The following SH2B2 variants were observed in gnomAD, a reference collection of about 807,000 sequenced individuals.
SH2B2 encodes the protein SH2B adaptor protein 2.
A neutral mutation model predicts 35.7 loss-of-function variants in SH2B2; 37 were observed. The observed-to-expected ratio is 1.04, with a 90% confidence interval of 0.80 to 1.36. The LOEUF (loss-of-function observed/expected upper bound fraction) is 1.36. SH2B2 is among the 40% of genes most tolerant of loss of function. SH2B2 has a pLI of 0.00. For missense variants in SH2B2, 852 were observed against 817.7 expected, an observed-to-expected ratio of 1.04 and a Z score of -0.51; for synonymous variants, 383 against 376.4, an observed-to-expected ratio of 1.02 and a Z score of -0.20.
At chr7:102,308,289 G>C (rs909822127) in intron 3 of SH2B2, among the ~76,000 whole-genome samples, 1 of 152,272 alleles carries the variant, frequency 6.6e-6, no homozygotes, top group African/African-American at 2.4e-5. Flanking sequence ...GCAGAATGCA[G>C]GGTTATGCTC....
At chr7:102,308,471 G>A (rs1028561462) in intron 3 of SH2B2, among the ~76,000 whole-genome samples, 3 of 152,228 alleles carry the variant, frequency 2.0e-5, no homozygotes, top group Admixed American at 2.0e-4. Context: ...CCCCTGGGGT[G>A]CCAGGGCATG....
Position 102,300,706 on chromosome 7 carries a change from C to G in SH2B2, c.156C>G (p.Tyr52Ter). ...FCRFLRDNPA[Y>*]DTPDAGASFS... Reference sequence around the variant, plus strand: ...GTTTCCTGCGGGACAACCCAGCTTACGACACGCCCGACGCCGGCGCCTCCT... The same window carrying G: ...GTTTCCTGCGGGACAACCCAGCTTAGGACACGCCCGACGCCGGCGCCTCCT... Residue 52 changes from tyrosine (Y) to a stop codon, truncating the protein, a stop_gained, in exon 2 of 9, where the codon TAC becomes TAG. Transcript: ENST00000444095. LOFTEE classifies it high-confidence loss of function. 1 of 1,538,718 alleles carries G rather than the reference C, an allele frequency of 6.5e-7. No homozygotes were observed. Among genetic ancestry groups the G allele is most frequent in the Non-Finnish European group, 8.8e-7 (1 of 1,139,378 alleles).
rs569831786 is a variant in SH2B2, at chr7:102,305,692, T to C, written c.730-1029T>C. The stretch of plus-strand genomic sequence containing the variant: ...TATTTTTACCTGCGTATGTGTGTAT[T>C]GGGCCCCAGTGTTAAATGTATTTCT... On this transcript the variant is annotated intron_variant, in intron 2 of 8. Coordinates refer to ENST00000444095, the MANE Select transcript of SH2B2 (RefSeq NM_001359228.2). 7.7e-4 allele frequency among the ~76,000 whole-genome samples: 118 copies of C among 152,274 alleles called. 2 individuals are homozygous for C. The highest frequency in any genetic ancestry group is 2.7e-3 in the African/African-American group (111 of 41,550).
At position 102,303,318 on chromosome 7, in the gene SH2B2, G is replaced by C. The variant is rs13240085; in HGVS notation, c.729+2039G>C. 1.9e-3 allele frequency among the ~76,000 whole-genome samples: 288 copies of C among 152,260 alleles called. 2 individuals carry two copies. The highest frequency in any genetic ancestry group is 6.8e-3 in the Middle Eastern group (2 of 294). ...AGGTCCTTGGGCACTGAGAGGTTTA[G>C]GCAGGGGGAGGTTTTGCTGGTGCAG... On this transcript the variant is annotated intron_variant, in intron 2 of 8. Coordinates refer to ENST00000444095, the MANE Select transcript of SH2B2 (RefSeq NM_001359228.2).
intron 1 of SH2B2, 26 bp from the exon 2 acceptor site, chr7:102,300,496 T>G: frequency 6.6e-7 from 1 of 1,505,306 alleles, no homozygotes. Context: ...GGCCTGAAAG[T>G]CACTGCGCGC....
At chr7:102,288,252 G>T (rs1311706508) in intron 1 of SH2B2, among the ~76,000 whole-genome samples, 5 of 151,984 alleles carry the variant, frequency 3.3e-5, no homozygotes, top group African/African-American at 1.2e-4. Context: ...CCCACTCCAC[G>T]CAGGAAGAGG....
intron 6 of SH2B2, 31 bp from the exon 7 acceptor site, chr7:102,317,156 C>G (rs1554557155): frequency 6.6e-7 from 1 of 1,525,464 alleles, no homozygotes; most frequent in African/African-American, 1.4e-5. Context: ...TCCTTCCCCC[C>G]ATGTTCCTCA....
intron 2 of SH2B2, among the ~76,000 whole-genome samples, chr7:102,301,557 T>C (rs1347047671): frequency 1.4e-5 from 2 of 144,352 alleles, no homozygotes; most frequent in Admixed American, 6.8e-5. Context: ...TGTGTGTGTG[T>C]CCGTGTGTGT....
chr7:102,299,722 G>C (rs546127672), intron 1 of SH2B2, among the ~76,000 whole-genome samples: 16 of 152,276 alleles, frequency 1.1e-4, no homozygotes, highest in Non-Finnish European at 1.5e-4. Flanking sequence ...CCTTTCTACC[G>C]GGCTTTGGGG....
intron 1 of SH2B2, among the ~76,000 whole-genome samples, chr7:102,292,458 G>A (rs1200885603): frequency 6.6e-6 from 1 of 151,354 alleles, no homozygotes; most frequent in Non-Finnish European, 1.5e-5. Context: ...TTGAACCCAG[G>A]AGGCGGAAGT....
chr7:102,308,937 G>A (rs1178661255), intron 4 of SH2B2, 31 bp downstream of exon 4: 1 of 1,552,094 alleles, frequency 6.4e-7, no homozygotes, highest in Non-Finnish European at 8.9e-7. Context: ...AAGATGGGTG[G>A]ACAGGCTGGG....
At chr7:102,301,380 A>C (rs1793185874) in intron 2 of SH2B2, 101 bp downstream of exon 2, 1 of 1,355,456 alleles carries the variant, frequency 7.4e-7, no homozygotes, top group South Asian at 1.5e-5. Context: ...CGCGTGGTCT[A>C]ATCTGGTTGA....
chr7:102,296,517 G>T (rs1445402341), intron 1 of SH2B2, among the ~76,000 whole-genome samples: 1 of 152,214 alleles, frequency 6.6e-6, no homozygotes, highest in African/African-American at 2.4e-5. Flanking sequence ...TGGCTTGGAT[G>T]GGGGCTGTAA....
intron 1 of SH2B2, among the ~76,000 whole-genome samples, chr7:102,298,751 A>G (rs139905336): frequency 0.012 from 1,885 of 151,962 alleles, 20 homozygotes; most frequent in Non-Finnish European, 0.019. Flanking sequence ...TATTTTTTGT[A>G]AAGACAGGCT....
chr7:102,311,078 ATTTAT>A (rs1793603166), intron 4 of SH2B2, among the ~76,000 whole-genome samples: 1 of 152,082 alleles, frequency 6.6e-6, no homozygotes, highest in African/African-American at 2.4e-5. Flanking sequence ...AAATTTATTT[ATTTAT>A]TTTTATTTTA....
chr7:102,313,961 G>A (rs1391540498), intron 4 of SH2B2, among the ~76,000 whole-genome samples: 1 of 152,144 alleles, frequency 6.6e-6, no homozygotes, highest in African/African-American at 2.4e-5. Context: ...TTTGGGAAAA[G>A]GGGTTCTGGT....
chr7:102,298,646 C>G (rs1793013446), intron 1 of SH2B2, among the ~76,000 whole-genome samples: 1 of 152,082 alleles, frequency 6.6e-6, no homozygotes, highest in Admixed American at 6.6e-5. Context: ...GTGGCCCCAT[C>G]ACAACTCACT....
At chr7:102,294,233 G>A (rs1277553016) in intron 1 of SH2B2, among the ~76,000 whole-genome samples, 2 of 152,112 alleles carry the variant, frequency 1.3e-5, no homozygotes, top group Non-Finnish European at 2.9e-5. Flanking sequence ...TCACCATGTT[G>A]CCCAGGCTGC....
chr7:102,305,878 T>G (rs1554554721), intron 2 of SH2B2, among the ~76,000 whole-genome samples: 3 of 143,504 alleles, frequency 2.1e-5, no homozygotes, highest in South Asian at 4.4e-4. Context: ...TAGGAGGAGG[T>G]CCTTTTTTTT....
Sources: gnomAD v4.1 joint callset for allele counts (sites outside exome capture counted in the v4.1 genomes callset) on GRCh38, gnomAD v4.1.1 for gene constraint, MANE v1.5 for transcripts, NCBI Gene and HGNC (gene_info 2026-07-23, HGNC 2026-07-21) for gene names.